The following HSDL2 variants were observed in gnomAD, a reference collection of about 807,000 sequenced individuals.
HSDL2 encodes hydroxysteroid dehydrogenase-like protein 2.
In HSDL2, 27 loss-of-function variants were observed where a neutral mutation model predicts 46.3. That is an observed-to-expected ratio of 0.58 (90% CI 0.43 to 0.80). The LOEUF is 0.80. Among genes scored for constraint, HSDL2 ranks in the 30% least tolerant of loss-of-function variants. The probability of loss-of-function intolerance (pLI) is 0.00; values close to 1 mark genes in which losing one functional copy is unlikely to be tolerated. For missense variants in HSDL2, 451 were observed against 502.7 expected (o/e 0.90, Z 0.98); for synonymous variants, 153 against 163.6 (o/e 0.94, Z 0.50).
In HSDL2 at chr9:112,441,775, G is replaced by A. The variant is rs1832644631; in HGVS notation, c.865+5G>A. ...GCAAGAAAGTGGAATCAACTGGTAAGATCTAGACTATATTTTATGTTAGAA... is the reference window on the plus strand; with the variant it reads ...GCAAGAAAGTGGAATCAACTGGTAAAATCTAGACTATATTTTATGTTAGAA... On this transcript the variant is annotated splice_donor_5th_base_variant and intron_variant, in intron 8 of 10. Coordinates refer to ENST00000398805, the MANE Select transcript of HSDL2 (RefSeq NM_032303.5). The A allele has an allele frequency of 1.2e-5, 19 of 1,521,156 alleles. No individual in the cohort carries two copies. Among genetic ancestry groups the A allele is most frequent in the Non-Finnish European group, 1.7e-5 (19 of 1,097,070 alleles). The allele number at this position is 1,521,156 out of a possible 1,614,324, so 94.2% of individuals were successfully genotyped here. A position where few individuals can be genotyped will look rare whatever the true frequency, so the allele number is the denominator to read the frequency against.
intron 4 of HSDL2, among the ~76,000 whole-genome samples, chr9:112,410,171 C>A (rs1168462603): frequency 6.6e-6 from 1 of 152,214 alleles, no homozygotes; most frequent in East Asian, 1.9e-4. Flanking sequence ...AGAACATAGT[C>A]TTGATCTGTT....
chr9:112,423,752 G>A (rs1465420393), intron 6 of HSDL2, among the ~76,000 whole-genome samples: 1 of 151,902 alleles, frequency 6.6e-6, no homozygotes, highest in Non-Finnish European at 1.5e-5. Context: ...GTCTCACTCT[G>A]TCGCCCAGGC....
rs527397880 is a variant in HSDL2 at position 112,398,338 on chromosome 9, C to T, written c.18-5657C>T. Among the ~76,000 whole-genome samples the T allele has an allele frequency of 4.6e-5, 7 of 151,846 alleles. No individual in the cohort carries two copies. The South Asian group carries it at 6.3e-4, about 14-fold the overall frequency. The stretch of plus-strand genomic sequence containing the variant: ...TTACAGGTAAATTGTAGTTTGGTTC[C>T]GGAGCCATCAGATGGCTCCGGAAGC... On this transcript the variant is annotated intron_variant, in intron 1 of 10. Transcript: ENST00000398805.
intron 8 of HSDL2, among the ~76,000 whole-genome samples, chr9:112,449,080 G>T (rs1587961263): frequency 8.4e-6 from 1 of 118,946 alleles, no homozygotes; most frequent in Admixed American, 9.0e-5. Flanking sequence ...TCTTTCCTCT[G>T]TTTTTTTTTT....
intron 1 of HSDL2, among the ~76,000 whole-genome samples, chr9:112,387,914 T>A: frequency 6.6e-6 from 1 of 152,136 alleles, no homozygotes; most frequent in Non-Finnish European, 1.5e-5. Flanking sequence ...ATCCCAGCAC[T>A]TTGCAAGACC....
chr9:112,447,393 C>A (rs1999263), intron 8 of HSDL2, among the ~76,000 whole-genome samples: 80,634 of 151,874 alleles, frequency 0.53, 21,456 homozygotes, highest in South Asian at 0.6. Context: ...AAATGTCTTT[C>A]AGGGATAAAC....
chr9:112,419,756 C>T (rs1385449358), intron 6 of HSDL2, among the ~76,000 whole-genome samples: 8 of 152,120 alleles, frequency 5.3e-5, no homozygotes, highest in Non-Finnish European at 8.8e-5. Flanking sequence ...ACCTGGAACC[C>T]TGTGAGATGA....
At chr9:112,448,021 G>A (rs1353644005) in intron 8 of HSDL2, among the ~76,000 whole-genome samples, 1 of 152,088 alleles carries the variant, frequency 6.6e-6, no homozygotes, top group Admixed American at 6.6e-5. Context: ...TCCGGTGCCC[G>A]CCACTTATAT....
intron 8 of HSDL2, among the ~76,000 whole-genome samples, chr9:112,445,257 C>T (rs1369344451): frequency 6.6e-6 from 1 of 152,140 alleles, no homozygotes; most frequent in Non-Finnish European, 1.5e-5. Context: ...CTTACCTTGG[C>T]TCCCCTTTCC....
Position 112,446,956 on chromosome 9 carries a change from G to A in HSDL2, c.865+5186G>A, listed in dbSNP as rs147564947. 9.4e-4 allele frequency among the ~76,000 whole-genome samples: 143 copies of A among 152,304 alleles called. No individual in the cohort carries two copies. In the Middle Eastern group the frequency reaches 0.02, roughly 22 times the overall value. ...CGAGCCTCTCTTCTTTGTTCGGGTG[G>A]GCAGAGGTATTCTTTGAGATCTTTC... On this transcript the variant is annotated intron_variant, in intron 8 of 10. Coordinates refer to ENST00000398805, the MANE Select transcript of HSDL2 (RefSeq NM_032303.5).
At chr9:112,392,853 A>G (rs987671814) in intron 1 of HSDL2, among the ~76,000 whole-genome samples, 1 of 152,260 alleles carries the variant, frequency 6.6e-6, no homozygotes. Flanking sequence ...TTAAGAGATT[A>G]AAGTAAAGAC....
At chr9:112,400,171 G>A (rs1269877708) in intron 1 of HSDL2, among the ~76,000 whole-genome samples, 1 of 152,198 alleles carries the variant, frequency 6.6e-6, no homozygotes, top group Non-Finnish European at 1.5e-5. Flanking sequence ...AGTAACTGGG[G>A]AAGTGCAAAT....
chr9:112,467,489 G>A (rs187495446), intron 10 of HSDL2, among the ~76,000 whole-genome samples: 1 of 152,250 alleles, frequency 6.6e-6, no homozygotes, highest in Admixed American at 6.5e-5. Context: ...ACCACGTGTT[G>A]CGTGGTGGTA....
At chr9:112,399,329 C>T (rs1831535181) in intron 1 of HSDL2, among the ~76,000 whole-genome samples, 1 of 152,092 alleles carries the variant, frequency 6.6e-6, no homozygotes, top group Non-Finnish European at 1.5e-5. Context: ...AGATCACATG[C>T]TTCAAAGGGC....
chr9:112,463,742 C>T (rs936297184), intron 10 of HSDL2, among the ~76,000 whole-genome samples: 1 of 151,942 alleles, frequency 6.6e-6, no homozygotes, highest in African/African-American at 2.4e-5. Context: ...CTCACTGCAA[C>T]CTCCACCTCC....
chr9:112,381,210 AG>A (rs1169208765), intron 1 of HSDL2, among the ~76,000 whole-genome samples: 3 of 151,976 alleles, frequency 2.0e-5, no homozygotes, highest in Admixed American at 1.3e-4. Context: ...TTTTTTTTAA[AG>A]ACGGGGTCTC....
chr9:112,438,905 AGAAAT>A (rs1264409692), intron 7 of HSDL2: 3 of 202,936 alleles, frequency 1.5e-5, no homozygotes, highest in Admixed American at 1.2e-4. Flanking sequence ...TCTCGAAATA[AGAAAT>A]GAAAATTATT....
chr9:112,467,525 G>A (rs191398759), intron 10 of HSDL2, among the ~76,000 whole-genome samples: 101 of 152,236 alleles, frequency 6.6e-4, no homozygotes, highest in Non-Finnish European at 1.0e-3. Flanking sequence ...GGACTTAAAT[G>A]CCACTAAATT....
intron 6 of HSDL2, among the ~76,000 whole-genome samples, chr9:112,426,797 C>T (rs1218625028): frequency 6.6e-6 from 1 of 152,120 alleles, no homozygotes; most frequent in Non-Finnish European, 1.5e-5. Context: ...ACCTAGCTTC[C>T]CCTTATATAA....
Sources: allele counts gnomAD v4.1 joint callset (sites outside exome capture counted in the v4.1 genomes callset), GRCh38; gene constraint gnomAD v4.1.1; transcripts MANE v1.5; gene names NCBI Gene and HGNC (gene_info 2026-07-23, HGNC 2026-07-21).